The following CELF5 variants were observed in gnomAD, a reference collection of about 807,000 sequenced individuals.
CELF5 encodes the protein CUG-BP and ETR-3 like factor 5.
CELF5 carries 6 observed loss-of-function variants against 54.9 expected under a neutral mutation model. The observed-to-expected ratio is 0.11, with a 90% CI of 0.06 to 0.22. The LOEUF is 0.22. Among genes scored for constraint, CELF5 ranks in the 10% least tolerant of loss-of-function variants. The pLI, the probability that CELF5 is intolerant of heterozygous loss-of-function variation, is 1.00. For missense variants in CELF5, 401 were observed against 678.6 expected (o/e 0.59, Z 4.54); for synonymous variants, 271 against 290.9 (o/e 0.93, Z 0.70).
chr19:3,283,083 G>A (rs1331492824), intron 8 of CELF5, among the ~76,000 whole-genome samples: 1 of 152,080 alleles, frequency 6.6e-6, no homozygotes, highest in Non-Finnish European at 1.5e-5. Flanking sequence ...CACCTACTGC[G>A]CCCAGCCCAT....
At chr19:3,233,480 T>C (rs1485558814) in intron 1 of CELF5, among the ~76,000 whole-genome samples, 1 of 152,170 alleles carries the variant, frequency 6.6e-6, no homozygotes, top group African/African-American at 2.4e-5. Flanking sequence ...ATGACAGCTT[T>C]CCTTGGGGGC....
chr19:3,257,822 T>TTTAA (rs1455321948), intron 2 of CELF5, among the ~76,000 whole-genome samples: 2 of 140,684 alleles, frequency 1.4e-5, no homozygotes, highest in African/African-American at 5.2e-5. Flanking sequence ...TATTTATTTA[T>TTTAA]TTATTTATTT....
At chr19:3,249,961 C>A (rs1211854640) in intron 1 of CELF5, among the ~76,000 whole-genome samples, 3 of 152,160 alleles carry the variant, frequency 2.0e-5, no homozygotes, top group African/African-American at 7.2e-5. Flanking sequence ...CTCAGCATCT[C>A]TTTTCTGAGC....
chr19:3,258,567 C>A (rs1453288422), intron 2 of CELF5, among the ~76,000 whole-genome samples: 1 of 152,156 alleles, frequency 6.6e-6, no homozygotes, highest in Admixed American at 6.6e-5. Flanking sequence ...GGCATATCCA[C>A]AGATCCCCAG....
rs1216402161 is a variant in CELF5, at chr19:3,282,975, C to A, written c.1039+477C>A. On this transcript the variant is annotated intron_variant, in intron 8 of 12. Transcript: ENST00000292672. This position sits in a 1 kb window ranked among gnomAD's most constrained non-coding sequence, Gnocchi z 5.2. ...CCTCCCAAGTAGCTGGGATTACAGG[C>A]GCATGCCACCATGCCCGGCTAATTT... Among the ~76,000 whole-genome samples, 1 of 152,182 alleles carries A rather than the reference C, an allele frequency of 6.6e-6. No individual in the cohort carries two copies.
intron 2 of CELF5, among the ~76,000 whole-genome samples, chr19:3,266,398 G>T (rs941459782): frequency 6.6e-6 from 1 of 151,832 alleles, no homozygotes; most frequent in East Asian, 1.9e-4. Context: ...ACTGCAGCCT[G>T]GGTGACAGAG....
chr19:3,249,168 G>A (rs1354554795), intron 1 of CELF5, among the ~76,000 whole-genome samples: 1 of 151,870 alleles, frequency 6.6e-6, no homozygotes, highest in Non-Finnish European at 1.5e-5. Context: ...GGAGACCAGG[G>A]ACCATAGGGG....
intron 9 of CELF5, 58 bp from the exon 10 acceptor site, chr19:3,285,884 G>C: frequency 1.2e-5 from 10 of 841,310 alleles, no homozygotes; most frequent in Non-Finnish European, 1.5e-5. Flanking sequence ...CAGCGGCCCA[G>C]GCCGCCCACG....
chr19:3,291,347 C>T (rs189994988), intron 11 of CELF5, among the ~76,000 whole-genome samples: 3 of 151,970 alleles, frequency 2.0e-5, no homozygotes, highest in East Asian at 3.9e-4. Context: ...GGGTGGTTCA[C>T]GAGGTCAGAA....
chr19:3,240,556 G>A (rs1278375659), intron 1 of CELF5, among the ~76,000 whole-genome samples: 1 of 151,220 alleles, frequency 6.6e-6, no homozygotes, highest in Non-Finnish European at 1.5e-5. Flanking sequence ...TTGAACTCCT[G>A]ACCTTAGGTG....
intron 1 of CELF5, among the ~76,000 whole-genome samples, chr19:3,249,627 G>A (rs1473473588): frequency 6.6e-6 from 1 of 151,286 alleles, no homozygotes; most frequent in African/African-American, 2.4e-5. Flanking sequence ...GGGCCACTCC[G>A]GGGCTGGCCC....
At chr19:3,267,167 G>C (rs984886402) in intron 2 of CELF5, among the ~76,000 whole-genome samples, 1 of 152,092 alleles carries the variant, frequency 6.6e-6, no homozygotes, top group Non-Finnish European at 1.5e-5. Context: ...TATAAGCCAG[G>C]AGGGGAGTGA....
chr19:3,247,516 C>T lies in CELF5; in HGVS notation c.260-3469C>T, dbSNP rs544613902. Among the ~76,000 whole-genome samples, 4 of 151,800 alleles carry T rather than the reference C, an allele frequency of 2.6e-5. No homozygotes were observed. The East Asian group carries it at 8.0e-4, about 30-fold the overall frequency. On this transcript the variant is annotated intron_variant, in intron 1 of 12. Transcript: ENST00000292672. The stretch of plus-strand genomic sequence containing the variant: ...AACTCAAGTGATCCTCCCGCCTCAG[C>T]CTCCCAAAGTGCTGGGATTACAGGC...
intron 2 of CELF5, among the ~76,000 whole-genome samples, chr19:3,269,075 G>A (rs1234865062): frequency 1.3e-5 from 2 of 152,120 alleles, no homozygotes; most frequent in African/African-American, 2.4e-5. Context: ...GGCCTAGGTG[G>A]GAGGGGAGGA....
chr19:3,255,790 C>T (rs1014334089), intron 2 of CELF5, among the ~76,000 whole-genome samples: 2 of 152,062 alleles, frequency 1.3e-5, no homozygotes, highest in African/African-American at 4.8e-5. Context: ...GTGGGTCAGG[C>T]GCGGTGGCTC....
intron 2 of CELF5, among the ~76,000 whole-genome samples, chr19:3,270,140 A>G (rs2079936870): frequency 6.7e-6 from 1 of 150,204 alleles, no homozygotes; most frequent in Non-Finnish European, 1.5e-5. Flanking sequence ...CCCAGCTCCA[A>G]CCCTGACCCC....
At chr19:3,280,515 C>T (rs2080131571) in intron 5 of CELF5, among the ~76,000 whole-genome samples, 1 of 152,112 alleles carries the variant, frequency 6.6e-6, no homozygotes, top group Non-Finnish European at 1.5e-5. Context: ...GCAGAGGTTG[C>T]AGTGAGCCGA....
chr19:3,272,150 G>A (rs1260221058), intron 2 of CELF5, among the ~76,000 whole-genome samples: 2 of 152,098 alleles, frequency 1.3e-5, no homozygotes, highest in Non-Finnish European at 2.9e-5. Flanking sequence ...GGCGGATCAC[G>A]AACTCAGCAG....
At chr19:3,250,828 A>C (rs2079637344) in intron 1 of CELF5, among the ~76,000 whole-genome samples, 157 bp from the exon 2 acceptor site, 1 of 152,112 alleles carries the variant, frequency 6.6e-6, no homozygotes, top group Non-Finnish European at 1.5e-5. Context: ...TCTTGGCTGA[A>C]TAATATTCCG....
Sources: gnomAD v4.1 joint callset for allele counts (sites outside exome capture counted in the v4.1 genomes callset) on GRCh38, gnomAD v4.1.1 for gene constraint, Gnocchi (gnomAD v3.1) non-coding constraint, MANE v1.5 for transcripts, NCBI Gene and HGNC (gene_info 2026-07-23, HGNC 2026-07-21) for gene names.